The following TMEM232 variants were observed in gnomAD, a reference collection of about 807,000 sequenced individuals.
The protein encoded by TMEM232 is transmembrane protein 232.
Under a neutral mutation model 78.8 loss-of-function variants are expected in TMEM232, and 80 were observed. The observed-to-expected ratio is 1.01, with a 90% CI of 0.85 to 1.22. TMEM232 has a LOEUF of 1.22. Ranked by LOEUF, TMEM232 falls within the 50% of genes most tolerant of loss-of-function variation. The pLI is 0.00. For synonymous variants in TMEM232, 297 were observed against 254.3 expected, an observed-to-expected ratio of 1.17 and a Z score of -1.60; for missense variants, 881 against 742.2, an observed-to-expected ratio of 1.19 and a Z score of -2.17.
At chr5:110,690,219 A>AT in intron 1 of TMEM232, among the ~76,000 whole-genome samples, 1 of 152,276 alleles carries the variant, frequency 6.6e-6, no homozygotes, top group Non-Finnish European at 1.5e-5. Flanking sequence ...ATGGAATAAA[A>AT]TTTTTTCAGT....
chr5:110,482,556 G>T (rs1763986922), intron 12 of TMEM232, among the ~76,000 whole-genome samples: 1 of 149,360 alleles, frequency 6.7e-6, no homozygotes, highest in South Asian at 2.1e-4. Context: ...ACTCCAGCCT[G>T]GGCGACAAGA....
chr5:110,587,663 G>GTA (rs377139293), intron 10 of TMEM232, among the ~76,000 whole-genome samples: 1,248 of 96,102 alleles, frequency 0.013, 20 homozygotes, highest in Admixed American at 0.023. Context: ...GTACATGTAT[G>GTA]TATATATATA....
chr5:110,722,369 C>T (rs1055869082), intron 1 of TMEM232, among the ~76,000 whole-genome samples: 4 of 152,134 alleles, frequency 2.6e-5, no homozygotes, highest in East Asian at 3.9e-4. Context: ...AGTCAAATGG[C>T]AGCTGCAGGT....
intron 10 of TMEM232, among the ~76,000 whole-genome samples, chr5:110,604,022 T>G (rs949730334): frequency 6.6e-6 from 1 of 152,172 alleles, no homozygotes; most frequent in Non-Finnish European, 1.5e-5. Context: ...ATCTGAAATT[T>G]AATGATTTAT....
intron 8 of TMEM232, among the ~76,000 whole-genome samples, chr5:110,609,861 T>C (rs372126716): frequency 7.8e-4 from 119 of 152,076 alleles, no homozygotes; most frequent in African/African-American, 2.8e-3. Flanking sequence ...CTAAGGAAAA[T>C]AGATTACAGC....
intron 2 of TMEM232, among the ~76,000 whole-genome samples, chr5:110,645,355 C>T (rs1787333063): frequency 6.6e-6 from 1 of 150,774 alleles, no homozygotes; most frequent in Admixed American, 6.6e-5. Flanking sequence ...AATATAATAA[C>T]ACATTAAAAC....
At chr5:110,524,459 AAAAG>A (rs556544136) in intron 12 of TMEM232, among the ~76,000 whole-genome samples, 132 of 151,370 alleles carry the variant, frequency 8.7e-4, no homozygotes, top group African/African-American at 2.3e-3. Flanking sequence ...GAAAGAAAGA[AAAAG>A]AAAGAAAGAA....
At chr5:110,595,358 G>C (rs1780034875) in intron 10 of TMEM232, among the ~76,000 whole-genome samples, 1 of 152,306 alleles carries the variant, frequency 6.6e-6, no homozygotes, top group South Asian at 2.1e-4. Context: ...AAACCAGAAT[G>C]CCTTTTCTCC....
At chr5:110,729,413 T>C (rs1408604419), upstream of TMEM232, among the ~76,000 whole-genome samples, 1 of 152,170 alleles carries the variant, frequency 6.6e-6, no homozygotes, top group African/African-American at 2.4e-5. Context: ...ATGCTTACTC[T>C]TGATCAAGAC....
chr5:110,699,328 A>G (rs970688237), intron 1 of TMEM232, among the ~76,000 whole-genome samples: 44 of 152,192 alleles, frequency 2.9e-4, no homozygotes, highest in African/African-American at 1.0e-3. Flanking sequence ...AAACATAAGA[A>G]ATAATACATC....
At chr5:110,468,738 T>C (rs1762355220) in intron 12 of TMEM232, among the ~76,000 whole-genome samples, 1 of 152,244 alleles carries the variant, frequency 6.6e-6, no homozygotes, top group South Asian at 2.1e-4. Flanking sequence ...CCAGATCCTT[T>C]CATAATAATA....
intron 12 of TMEM232, among the ~76,000 whole-genome samples, chr5:110,445,224 T>C (rs1393871906): frequency 2.0e-5 from 3 of 152,156 alleles, no homozygotes; most frequent in Non-Finnish European, 4.4e-5. Context: ...GAGTCTTTTG[T>C]TTTTCAAATA....
intron 1 of TMEM232, among the ~76,000 whole-genome samples, chr5:110,671,564 A>G (rs1236068508): frequency 6.6e-6 from 1 of 152,218 alleles, no homozygotes; most frequent in Admixed American, 6.5e-5. Context: ...AATACTATGC[A>G]GACATAAAAA....
chr5:110,737,976 T>A (rs985213424), intron 1 of TMEM232: 6 of 162,710 alleles, frequency 3.7e-5, no homozygotes, highest in African/African-American at 1.4e-4. Context: ...ATGTAACCCA[T>A]AAATATATAC....
intron 3 of TMEM232, among the ~76,000 whole-genome samples, chr5:110,390,832 C>A (rs796168218): frequency 6.6e-5 from 10 of 152,204 alleles, no homozygotes; most frequent in African/African-American, 2.4e-4. Context: ...CAAAAAGCCA[C>A]GTCCCTGACT....
intron 12 of TMEM232, among the ~76,000 whole-genome samples, chr5:110,445,443 ATTTATG>A (rs1459912299): frequency 6.6e-6 from 1 of 152,132 alleles, no homozygotes; most frequent in Admixed American, 6.6e-5. Context: ...TTTCTCAGTT[ATTTATG>A]TTTAAGAACA....
At chr5:110,496,830 G>T (rs1169343086) in intron 12 of TMEM232, among the ~76,000 whole-genome samples, 2 of 151,876 alleles carry the variant, frequency 1.3e-5, no homozygotes, top group Admixed American at 6.6e-5. Flanking sequence ...TGATCCTAAA[G>T]AATATAATTC....
At chr5:110,553,657 A>T (rs1774730052) in intron 11 of TMEM232, among the ~76,000 whole-genome samples, 1 of 152,182 alleles carries the variant, frequency 6.6e-6, no homozygotes, top group African/African-American at 2.4e-5. Context: ...ATATAGAGTC[A>T]TATCATCTTA....
chr5:110,632,910 C>A (rs537536541), intron 5 of TMEM232, among the ~76,000 whole-genome samples: 25 of 152,056 alleles, frequency 1.6e-4, no homozygotes, highest in African/African-American at 5.6e-4. Flanking sequence ...ACCCCACAAA[C>A]CCAAAATACT....
Sources: gnomAD v4.1 joint callset for allele counts (sites outside exome capture counted in the v4.1 genomes callset) on GRCh38, gnomAD v4.1.1 for gene constraint, MANE v1.5 for transcripts, NCBI Gene and HGNC (gene_info 2026-07-23, HGNC 2026-07-21) for gene names.